The following LARP1B variants were observed in gnomAD, a reference collection of about 807,000 sequenced individuals.
The protein encoded by LARP1B is la-related protein 1B.
LARP1B carries 76 observed loss-of-function variants against 114.2 expected under a neutral mutation model. That is an observed-to-expected ratio of 0.67 (90% CI 0.55 to 0.81). The LOEUF is 0.81. Among genes scored for constraint, LARP1B ranks in the 30% least tolerant of loss-of-function variants. The probability of loss-of-function intolerance (pLI) is 0.00; values close to 1 mark genes in which losing one functional copy is unlikely to be tolerated. For missense variants in LARP1B, 1,014 were observed against 1,075.8 expected, an observed-to-expected ratio of 0.94 and a Z score of 0.80; for synonymous variants, 345 against 348.0, an observed-to-expected ratio of 0.99 and a Z score of 0.10.
In LARP1B at chr4:128,089,435, A is replaced by C. The variant is rs1319151021; in HGVS notation, c.359-1566A>C. On this transcript the variant is annotated intron_variant, in intron 5 of 19. Transcript: ENST00000326639. ...ACTGCAACCTCTGCCTCCCAGGTTCAGGTGATTCTCCTGCCCTAGCCTCCC... is the reference window on the plus strand; with the variant it reads ...ACTGCAACCTCTGCCTCCCAGGTTCCGGTGATTCTCCTGCCCTAGCCTCCC... 2.0e-5 allele frequency among the ~76,000 whole-genome samples: 3 copies of C among 152,118 alleles called. No homozygotes were observed. The South Asian group carries it at 6.2e-4, about 32-fold the overall frequency.
intron 11 of LARP1B, among the ~76,000 whole-genome samples, chr4:128,159,612 G>A (rs936936306): frequency 2.0e-5 from 3 of 152,174 alleles, no homozygotes; most frequent in African/African-American, 7.2e-5. Context: ...ATTTGTTGCA[G>A]TTCATGAACC....
chr4:128,148,750 C>A (rs1302575598), intron 11 of LARP1B, among the ~76,000 whole-genome samples: 1 of 152,088 alleles, frequency 6.6e-6, no homozygotes, highest in African/African-American at 2.4e-5. Flanking sequence ...CTGCAGCCTC[C>A]TGAGTAGCTG....
rs1222329902 is a variant in LARP1B at position 128,121,966 on chromosome 4, T to C, written c.1302T>C (p.Asn434=). ...RKNTFTDWSD[N]DSDYEIDDQD... ...ACACATTTACTGATTGGTCTGATAA[T>C]GATTCAGATTATGAAATTGATGACC... Residue 434 remains asparagine, a synonymous_variant, in exon 11 of 20, where the codon AAT becomes AAC. Transcript: ENST00000326639. The C allele has an allele frequency of 3.1e-6, 5 of 1,612,968 alleles. No individual in the cohort carries two copies. The highest frequency in any genetic ancestry group is 4.2e-6 in the Non-Finnish European group (5 of 1,179,960).
At chr4:128,145,751 G>A (rs1730068527) in intron 11 of LARP1B, among the ~76,000 whole-genome samples, 1 of 152,162 alleles carries the variant, frequency 6.6e-6, no homozygotes, top group African/African-American at 2.4e-5. Context: ...AGCCCATCTT[G>A]TGAGCTCTTC....
chr4:128,118,526 G>T (rs1372328868), intron 10 of LARP1B, among the ~76,000 whole-genome samples: 1 of 151,788 alleles, frequency 6.6e-6, no homozygotes, highest in African/African-American at 2.4e-5. Context: ...GTGAGTCACC[G>T]CGCCCTGCTC....
At chr4:128,093,276 T>G (rs1326630077) in intron 7 of LARP1B, among the ~76,000 whole-genome samples, 1 of 152,060 alleles carries the variant, frequency 6.6e-6, no homozygotes, top group Non-Finnish European at 1.5e-5. Flanking sequence ...TTGATTGAGG[T>G]TTTGATTTTC....
At chr4:128,163,420 G>T (rs1177171156) in intron 12 of LARP1B, among the ~76,000 whole-genome samples, 2 of 152,092 alleles carry the variant, frequency 1.3e-5, no homozygotes, top group African/African-American at 2.4e-5. Context: ...ATGCTCTATT[G>T]TCTCTTTTTG....
intron 17 of LARP1B, among the ~76,000 whole-genome samples, chr4:128,202,860 T>C (rs1302729446): frequency 6.6e-6 from 1 of 152,212 alleles, no homozygotes; most frequent in Non-Finnish European, 1.5e-5. Context: ...TAATTTACTG[T>C]GGCCTTGGCA....
intron 15 of LARP1B, among the ~76,000 whole-genome samples, chr4:128,188,198 C>T (rs1296434401): frequency 2.0e-5 from 3 of 152,048 alleles, no homozygotes; most frequent in Non-Finnish European, 4.4e-5. Flanking sequence ...CTTCAGCCTC[C>T]TGAGTAGCTG....
In LARP1B at chr4:128,199,487, T is replaced by C. The variant is rs780554017; in HGVS notation, c.2052T>C (p.Tyr684=). ...PSEGAPLAGS[Y]GCTPHSFPKF... ...AAGGCGCACCACTAGCAGGAAGTTA[T>C]GGATGTACTCCTCATTCATTCCCAA... The change falls in exon 16 of 20, where the codon TAT becomes TAC. Residue 684 remains tyrosine, a synonymous_variant. Transcript: ENST00000326639. 6.2e-7 allele frequency: 1 copy of C among 1,602,398 alleles called. No homozygotes were observed. Among genetic ancestry groups the C allele is most frequent in the Non-Finnish European group, 8.5e-7 (1 of 1,173,810 alleles).
intron 9 of LARP1B, among the ~76,000 whole-genome samples, 154 bp from the exon 10 acceptor site, chr4:128,114,416 C>T (rs1355226708): frequency 6.6e-6 from 1 of 152,110 alleles, no homozygotes; most frequent in Admixed American, 6.5e-5. Flanking sequence ...CTTATGAGCC[C>T]TTCAGGTTTG....
intron 10 of LARP1B, among the ~76,000 whole-genome samples, chr4:128,116,703 T>C (rs1277093833): frequency 6.6e-6 from 1 of 152,206 alleles, no homozygotes; most frequent in Non-Finnish European, 1.5e-5. Flanking sequence ...CAGAGATAAC[T>C]GTTGAGGTAG....
At chr4:128,135,285 A>G (rs1454845257) in intron 11 of LARP1B, among the ~76,000 whole-genome samples, 1 of 152,220 alleles carries the variant, frequency 6.6e-6, no homozygotes, top group East Asian at 1.9e-4. Context: ...GTTGTTAACA[A>G]GGATTTGGAG....
Position 128,061,635 on chromosome 4 carries a change from G to T in LARP1B, c.-78+234G>T, listed in dbSNP as rs2015987. The stretch of plus-strand genomic sequence containing the variant: ...GGCCGGTGTCCCGGCGGAGAGACGG[G>T]CAGTCGGGTTCCCTGGCCTCGGGGC... On this transcript the variant is annotated intron_variant, in intron 1 of 19. Transcript: ENST00000326639. 0.018 allele frequency: 17,086 copies of T among 964,714 alleles called. 530 individuals carry two copies. In the East Asian group the frequency reaches 0.26, roughly 15 times the overall value. The allele number at this position is 964,714 out of a possible 1,614,324, so 59.8% of individuals were successfully genotyped here.
Position 128,206,464 on chromosome 4 carries a change from T to A in LARP1B, c.2346T>A (p.Tyr782Ter), listed in dbSNP as rs191978886. 4 of 1,612,818 alleles carry A rather than the reference T, an allele frequency of 2.5e-6. No homozygotes were observed. The highest frequency in any genetic ancestry group is 3.4e-6 in the Non-Finnish European group (4 of 1,179,590). Residue 782 changes from tyrosine (Y) to a stop codon, truncating the protein, a stop_gained, in exon 18 of 20, where the codon TAT becomes TAA. Coordinates refer to ENST00000326639, the MANE Select transcript of LARP1B (RefSeq NM_018078.4). LOFTEE classifies it high-confidence loss of function. ...GLECLFRFYS[Y>*]GLEKKFRREI... ...AATGTCTGTTCAGGTTTTATAGTTA[T>A]GGACTGGAAAAAAAATTCAGGCGAG...
intron 11 of LARP1B, among the ~76,000 whole-genome samples, chr4:128,142,081 C>A (rs539228981): frequency 6.6e-6 from 1 of 152,172 alleles, no homozygotes; most frequent in African/African-American, 2.4e-5. Flanking sequence ...ATGTAAACTT[C>A]CTGTCTCCTC....
rs758032661 is a variant in LARP1B at position 128,137,791 on chromosome 4, A to ATT, written c.1524+15612_1524+15613dup. 3.8e-3 allele frequency among the ~76,000 whole-genome samples: 244 copies of ATT among 63,558 alleles called. 1 individual carries two copies. Among genetic ancestry groups the ATT allele is most frequent in the African/African-American group, 0.011 (224 of 20,892 alleles). 41.7% of individuals were successfully genotyped at this position (63,558 alleles called of 152,430 possible). A position where few individuals can be genotyped will look rare whatever the true frequency, so the allele number is the denominator to read the frequency against. On this transcript the variant is annotated intron_variant, in intron 11 of 19. Transcript: ENST00000326639. Reference sequence around the variant, plus strand: ...TATACATATATATATATATATATATATTTTTTTTTTAGGGGGGTTGGTGAC... The same window carrying ATT: ...TATACATATATATATATATATATATATTTTTTTTTTTTAGGGGGGTTGGTGAC...
chr4:128,123,229 G>A (rs770065150), intron 11 of LARP1B: 8 of 985,400 alleles, frequency 8.1e-6, no homozygotes, highest in Non-Finnish European at 9.6e-6. Context: ...ACCTGCCTCA[G>A]GCTATGATAG....
rs929294028 is a variant in LARP1B, at chr4:128,098,195, C to T, written c.678C>T (p.Tyr226=). The T allele has an allele frequency of 1.9e-6, 3 of 1,607,612 alleles. No individual in the cohort carries two copies. The highest frequency in any genetic ancestry group is 2.7e-5 in the African/African-American group (2 of 74,784). Residue 226 remains tyrosine, a synonymous_variant, in exon 8 of 20, where the codon TAC becomes TAT. Coordinates refer to ENST00000326639, the MANE Select transcript of LARP1B (RefSeq NM_018078.4). ...TGATTTCTCTTTTCAGTGAATATTA[C>T]TTCAGTGTAGAAAATTTGGAACGAG... is the stretch of plus-strand genomic sequence containing the variant. ...KEYIKRQIEY[Y]FSVENLERDF...
Sources: allele counts gnomAD v4.1 joint callset (sites outside exome capture counted in the v4.1 genomes callset), GRCh38; gene constraint gnomAD v4.1.1; transcripts MANE v1.5; gene names NCBI Gene and HGNC (gene_info 2026-07-23, HGNC 2026-07-21).